TLCD4: variants seen among roughly 807,000 people sequenced by gnomAD.
TLCD4 encodes the protein TLC domain-containing protein 4.
Under a neutral mutation model 24.2 loss-of-function variants are expected in TLCD4, and 7 were observed. The observed-to-expected ratio is 0.29, with a 90% CI of 0.16 to 0.54. The LOEUF (loss-of-function observed/expected upper bound fraction) is 0.54. Among genes scored for constraint, TLCD4 ranks in the 20% least tolerant of loss-of-function variants. The pLI is 0.95. For missense variants in TLCD4, 259 were observed against 313.9 expected, an observed-to-expected ratio of 0.82 and a Z score of 1.32; for synonymous variants, 103 against 106.4, an observed-to-expected ratio of 0.97 and a Z score of 0.20.
At chr1:95,190,825 GGTT>G (rs1317088274) in intron 6 of TLCD4, among the ~76,000 whole-genome samples, 1 of 151,956 alleles carries the variant, frequency 6.6e-6, no homozygotes, top group Non-Finnish European at 1.5e-5. Context: ...GTTTTAATTG[GGTT>G]GTTTTCTTAT....
chr1:95,185,651 A>C (rs1467566282), intron 6 of TLCD4, among the ~76,000 whole-genome samples: 3 of 152,228 alleles, frequency 2.0e-5, no homozygotes, highest in Non-Finnish European at 2.9e-5. Context: ...CTTTCACTTA[A>C]TAGTACATAT....
chr1:95,140,473 C>T (rs1159403006), intron 1 of TLCD4, among the ~76,000 whole-genome samples: 1 of 152,174 alleles, frequency 6.6e-6, no homozygotes, highest in Non-Finnish European at 1.5e-5. Flanking sequence ...TTTTTCCCTA[C>T]TAAGAAATCA....
the TLCD4 span, among the ~76,000 whole-genome samples, chr1:95,093,161 A>G: frequency 6.6e-6 from 1 of 152,110 alleles, no homozygotes; most frequent in African/African-American, 2.4e-5. Context: ...CATCCACTTC[A>G]ATTTTTAACC....
chr1:95,193,185 G>T lies in TLCD4; in HGVS notation c.*1317G>T, dbSNP rs546619512. On this transcript the variant is annotated 3_prime_UTR_variant, in exon 7 of 7. Coordinates refer to ENST00000370203, the MANE Select transcript of TLCD4 (RefSeq NM_152487.3). Reference sequence around the variant, plus strand: ...CATATTTTACTCACAATTCATACCCGTGCTTACTTAGTTGGCATTTTAGTG... The same window carrying T: ...CATATTTTACTCACAATTCATACCCTTGCTTACTTAGTTGGCATTTTAGTG... The T allele has an allele frequency of 2.0e-5, 3 of 151,842 alleles. No individual in the cohort carries two copies. In the South Asian group the frequency reaches 6.2e-4, roughly 32 times the overall value. 9.4% of individuals were successfully genotyped at this position (151,842 alleles called of 1,614,324 possible).
At chr1:95,132,759 T>C (rs184212228) in intron 1 of TLCD4, among the ~76,000 whole-genome samples, 63 of 152,222 alleles carry the variant, frequency 4.1e-4, no homozygotes, top group Admixed American at 3.7e-3. Context: ...AGGAAACAAG[T>C]AGATAGAAGA....
At chr1:95,130,518 A>T (rs1428568588) in intron 1 of TLCD4, among the ~76,000 whole-genome samples, 1 of 152,224 alleles carries the variant, frequency 6.6e-6, no homozygotes, top group African/African-American at 2.4e-5. Flanking sequence ...CAATGTTGAG[A>T]TAGATAATTA....
chr1:95,132,071 C>T (rs1676910531), intron 1 of TLCD4, among the ~76,000 whole-genome samples: 1 of 152,168 alleles, frequency 6.6e-6, no homozygotes, highest in Admixed American at 6.5e-5. Context: ...TGACTTAGTA[C>T]AAAAGTTTTT....
the TLCD4 span, among the ~76,000 whole-genome samples, chr1:95,108,380 A>AT: frequency 1.3e-5 from 2 of 152,110 alleles, no homozygotes; most frequent in Middle Eastern, 3.4e-3. Context: ...CATGGAATGC[A>AT]TTTTTTTGTT....
chr1:95,099,073 A>AAAAAAAAAAAC, the TLCD4 span, among the ~76,000 whole-genome samples: 1 of 145,808 alleles, frequency 6.9e-6, no homozygotes, highest in African/African-American at 2.5e-5. Flanking sequence ...AAAAAAAAAA[A>AAAAAAAAAAAC]AAGAACAGGG....
rs891964972 is a variant in TLCD4 at position 95,194,673 on chromosome 1, C to G, written c.*2805C>G. The G allele has an allele frequency of 1.3e-5, 2 of 151,728 alleles. No individual in the cohort carries two copies. Among genetic ancestry groups the G allele is most frequent in the African/African-American group, 4.8e-5 (2 of 41,390 alleles). 9.4% of individuals were successfully genotyped at this position (151,728 alleles called of 1,614,324 possible). ...AGATGTTTTTTGAATGTGTAGTATCCTAGAAAATAAAAGTTCTTGTGAAAC... is the reference window on the plus strand; with the variant it reads ...AGATGTTTTTTGAATGTGTAGTATCGTAGAAAATAAAAGTTCTTGTGAAAC... On this transcript the variant is annotated 3_prime_UTR_variant, in exon 7 of 7. Coordinates refer to ENST00000370203, the MANE Select transcript of TLCD4 (RefSeq NM_152487.3).
At chr1:95,132,631 C>G (rs543015973) in intron 1 of TLCD4, among the ~76,000 whole-genome samples, 1 of 151,958 alleles carries the variant, frequency 6.6e-6, no homozygotes, top group African/African-American at 2.4e-5. Flanking sequence ...GTAGTAATAT[C>G]AAGTAGCAGT....
intron 1 of TLCD4, chr1:95,120,052 C>T (rs1390635425): frequency 6.6e-6 from 1 of 152,150 alleles, no homozygotes; most frequent in Non-Finnish European, 1.5e-5. Flanking sequence ...AACTTGTGCC[C>T]TCGTCCTTGA....
upstream of TLCD4, among the ~76,000 whole-genome samples, chr1:95,117,050 T>G (rs1676444566): frequency 6.6e-6 from 1 of 152,220 alleles, no homozygotes; most frequent in East Asian, 1.9e-4. Context: ...TAAGAAGATT[T>G]TTTGTTACGT....
At position 95,148,719 on chromosome 1, in the gene TLCD4, A is replaced by T; in HGVS notation, c.173A>T (p.His58Leu). The change falls in exon 3 of 7, where the codon CAT becomes CTT. Residue 58 changes from histidine to leucine, a missense_variant. Transcript: ENST00000370203. ...EWNSRVVSTC[H>L]SLVVGIFGLY... ...AATTTCAGGGTAGTATCCACATGCCATTCTTTGGTGGTTGGTATTTTTGGC... is the reference window on the plus strand; with the variant it reads ...AATTTCAGGGTAGTATCCACATGCCTTTCTTTGGTGGTTGGTATTTTTGGC... 1 of 1,613,716 alleles carries T rather than the reference A, an allele frequency of 6.2e-7. No individual in the cohort carries two copies. The highest frequency in any genetic ancestry group is 8.5e-7 in the Non-Finnish European group (1 of 1,179,792).
chr1:95,144,445 G>C (rs1228107528), intron 2 of TLCD4, among the ~76,000 whole-genome samples: 1 of 152,180 alleles, frequency 6.6e-6, no homozygotes, highest in African/African-American at 2.4e-5. Flanking sequence ...GGCCAACTTA[G>C]CCAGACCTGG....
intron 5 of TLCD4, among the ~76,000 whole-genome samples, chr1:95,157,646 G>C (rs1677671144): frequency 6.6e-6 from 1 of 152,220 alleles, no homozygotes; most frequent in African/African-American, 2.4e-5. Flanking sequence ...GTTGAGGCTG[G>C]AATTATCTAA....
At chr1:95,133,822 T>C (rs1476951962) in intron 1 of TLCD4, among the ~76,000 whole-genome samples, 1 of 152,000 alleles carries the variant, frequency 6.6e-6, no homozygotes, top group East Asian at 1.9e-4. Flanking sequence ...GCAACAGAGC[T>C]CTGATTGTTC....
intron 1 of TLCD4, among the ~76,000 whole-genome samples, chr1:95,137,981 T>G (rs1456964184): frequency 6.6e-6 from 1 of 152,052 alleles, no homozygotes; most frequent in African/African-American, 2.4e-5. Context: ...GAAGCAGTCC[T>G]CCTACCTGGG....
chr1:95,189,980 TG>T lies in TLCD4; in HGVS notation c.474-1569del. Among the ~76,000 whole-genome samples the T allele has an allele frequency of 2.0e-5, 3 of 152,366 alleles. No homozygotes were observed. In the East Asian group the frequency reaches 5.8e-4, roughly 29 times the overall value. On this transcript the variant is annotated intron_variant, in intron 6 of 6. Coordinates refer to ENST00000370203, the MANE Select transcript of TLCD4 (RefSeq NM_152487.3). ...TACCATTTTGCATTCCTAGCAGCAATGAATGTGTGTTCCTCTTGTTCCACAC... is the reference window on the plus strand; with the variant it reads ...TACCATTTTGCATTCCTAGCAGCAATAATGTGTGTTCCTCTTGTTCCACAC...
Sources: allele counts gnomAD v4.1 joint callset (sites outside exome capture counted in the v4.1 genomes callset), GRCh38; gene constraint gnomAD v4.1.1; transcripts MANE v1.5; gene names NCBI Gene and HGNC (gene_info 2026-07-23, HGNC 2026-07-21).